The following NUP93 variants were observed in gnomAD, a reference collection of about 807,000 sequenced individuals.
NUP93 encodes the protein nucleoporin 93.
NUP93 carries 55 observed loss-of-function variants against 107.8 expected under a neutral mutation model. The ratio of observed to expected loss-of-function variants is 0.51; its 90% CI spans 0.41 to 0.64. The LOEUF is 0.64. Among genes scored for constraint, NUP93 ranks in the 30% least tolerant of loss-of-function variants. The pLI is 0.00. For missense variants in NUP93, 937 were observed against 1,044.7 expected, an observed-to-expected ratio of 0.90 and a Z score of 1.42; for synonymous variants, 390 against 397.5, an observed-to-expected ratio of 0.98 and a Z score of 0.22.
chr16:56,824,551 G>GCC (rs1303097042), intron 8 of NUP93, among the ~76,000 whole-genome samples: 1 of 152,182 alleles, frequency 6.6e-6, no homozygotes, highest in Non-Finnish European at 1.5e-5. Flanking sequence ...AGGGTGCTGG[G>GCC]CCCCTCCCTG....
intron 5 of NUP93, among the ~76,000 whole-genome samples, chr16:56,815,869 C>CTGT: frequency 7.2e-6 from 1 of 139,608 alleles, no homozygotes; most frequent in African/African-American, 3.0e-5. Flanking sequence ...ACTGCTACTG[C>CTGT]TGCTGCTGCT....
Position 56,834,427 on chromosome 16 carries a change from G to A in NUP93, c.1722G>A (p.Val574=), listed in dbSNP as rs1963868801. 1 of 1,614,252 alleles carries A rather than the reference G, an allele frequency of 6.2e-7. No homozygotes were observed. The highest frequency in any genetic ancestry group is 8.5e-7 in the Non-Finnish European group (1 of 1,180,032). The change falls in exon 15 of 22, where the codon GTG becomes GTA. Residue 574 remains valine, a synonymous_variant. Transcript: ENST00000308159. ...TTCTGCGCTGTGTGAGTGAGCTTGTGATTGAAAGCCGAGAGGTGAGTGGGT... is the reference window on the plus strand; with the variant it reads ...TTCTGCGCTGTGTGAGTGAGCTTGTAATTGAAAGCCGAGAGGTGAGTGGGT... ...NMFLRCVSEL[V]IESREFDMIL...
intron 2 of NUP93, among the ~76,000 whole-genome samples, chr16:56,752,708 A>C (rs1961945935): frequency 6.6e-6 from 1 of 152,232 alleles, no homozygotes. Flanking sequence ...CAATCTTTAA[A>C]AAGCAGAAGA....
intron 5 of NUP93, among the ~76,000 whole-genome samples, chr16:56,807,964 A>G (rs2144578564): frequency 6.6e-6 from 1 of 150,486 alleles, no homozygotes; most frequent in South Asian, 2.1e-4. Flanking sequence ...CGGAGGTCGC[A>G]GTGAGCTGAG....
intron 3 of NUP93, among the ~76,000 whole-genome samples, chr16:56,760,812 G>A (rs951880344): frequency 1.3e-5 from 2 of 152,118 alleles, no homozygotes; most frequent in Admixed American, 6.5e-5. Flanking sequence ...TCGGGGCATG[G>A]TGGCGCACTC....
intron 2 of NUP93, among the ~76,000 whole-genome samples, chr16:56,753,636 G>C (rs1471019574): frequency 6.6e-6 from 1 of 151,912 alleles, no homozygotes; most frequent in East Asian, 1.9e-4. Context: ...CTGTACTTTT[G>C]TCATCACATG....
Position 56,761,461 on chromosome 16 carries a change from CT to C in NUP93, c.297+2815del, listed in dbSNP as rs1179489387. Among the ~76,000 whole-genome samples, 10 of 151,290 alleles carry C rather than the reference CT, an allele frequency of 6.6e-5. No homozygotes were observed. In the East Asian group the frequency reaches 1.2e-3, roughly 18 times the overall value. On this transcript the variant is annotated intron_variant, in intron 3 of 21. Coordinates refer to ENST00000308159, the MANE Select transcript of NUP93 (RefSeq NM_014669.5). The stretch of plus-strand genomic sequence containing the variant: ...AAAGCCAGATATACTATTCGATGGA[CT>C]TTTTTTTTCATTTATTTTAATTGCT...
At chr16:56,816,908 C>T (rs907366747) in intron 5 of NUP93, among the ~76,000 whole-genome samples, 1 of 152,106 alleles carries the variant, frequency 6.6e-6, no homozygotes, top group Admixed American at 6.5e-5. Flanking sequence ...AAACATTTAC[C>T]AGCACACTAT....
chr16:56,757,042 G>A (rs1374304881), intron 2 of NUP93, among the ~76,000 whole-genome samples: 5 of 152,148 alleles, frequency 3.3e-5, no homozygotes, highest in South Asian at 2.1e-4. Flanking sequence ...CCCGGGGATG[G>A]CATCATAGTT....
At chr16:56,809,937 G>A (rs554879153) in intron 5 of NUP93, among the ~76,000 whole-genome samples, 1 of 152,124 alleles carries the variant, frequency 6.6e-6, no homozygotes, top group Non-Finnish European at 1.5e-5. Flanking sequence ...AATTCTTTGT[G>A]AATCTGAGCA....
At chr16:56,842,801 C>A (rs1964052590) in intron 21 of NUP93, 2 of 331,590 alleles carry the variant, frequency 6.0e-6, no homozygotes, top group Non-Finnish European at 1.2e-5. Flanking sequence ...GATCCCCCAA[C>A]CTCGGCCTCC....
intron 1 of NUP93, among the ~76,000 whole-genome samples, chr16:56,733,107 G>A (rs2144425946): frequency 6.6e-6 from 1 of 152,298 alleles, no homozygotes; most frequent in South Asian, 2.1e-4. Flanking sequence ...ATGTACAGGA[G>A]TATGAAGGGA....
At chr16:56,784,484 G>A (rs1962583582) in intron 3 of NUP93, among the ~76,000 whole-genome samples, 2 of 152,172 alleles carry the variant, frequency 1.3e-5, no homozygotes, top group Admixed American at 6.5e-5. Flanking sequence ...AGCTGCTTGT[G>A]TAAAACTCCT....
At chr16:56,735,938 G>A (rs1467783246) in intron 1 of NUP93, among the ~76,000 whole-genome samples, 5 of 152,150 alleles carry the variant, frequency 3.3e-5, no homozygotes, top group Non-Finnish European at 5.9e-5. Context: ...GAAGGACTTA[G>A]ACTTAAAGGA....
chr16:56,742,972 A>T (rs1394445148), intron 1 of NUP93, among the ~76,000 whole-genome samples: 1 of 152,236 alleles, frequency 6.6e-6, no homozygotes, highest in Non-Finnish European at 1.5e-5. Context: ...ATTTTAATAT[A>T]ATAAGCATGA....
chr16:56,788,664 CT>C (rs1392789896), intron 3 of NUP93, among the ~76,000 whole-genome samples: 1 of 152,246 alleles, frequency 6.6e-6, no homozygotes, highest in Non-Finnish European at 1.5e-5. Flanking sequence ...GCAGAACTGG[CT>C]TTGCAGTAGT....
At chr16:56,782,206 G>A (rs1239708809) in intron 3 of NUP93, 20 of 985,208 alleles carry the variant, frequency 2.0e-5, no homozygotes, top group African/African-American at 3.5e-5. Context: ...TTAAATTTAA[G>A]AGCTGCAGGT....
chr16:56,739,004 A>G (rs1446049176), intron 1 of NUP93, among the ~76,000 whole-genome samples: 1 of 146,744 alleles, frequency 6.8e-6, no homozygotes, highest in Admixed American at 6.9e-5. Flanking sequence ...ACAACACAGC[A>G]CATGTTTCAG....
chr16:56,804,901 G>C lies in NUP93; in HGVS notation c.361-603G>C, dbSNP rs1963101332. ...AGCCTGGGCGACAGAGTGAAACTCTGTCTCAAAAAAAAAAAAAAAAGTTTA... is the reference window on the plus strand; with the variant it reads ...AGCCTGGGCGACAGAGTGAAACTCTCTCTCAAAAAAAAAAAAAAAAGTTTA... On this transcript the variant is annotated intron_variant, in intron 4 of 21. Coordinates refer to ENST00000308159, the MANE Select transcript of NUP93 (RefSeq NM_014669.5). Among the ~76,000 whole-genome samples the C allele has an allele frequency of 2.1e-5, 3 of 141,326 alleles. No individual in the cohort carries two copies. The South Asian group carries it at 6.6e-4, about 31-fold the overall frequency. The allele number at this position is 141,326 out of a possible 152,430, so 92.7% of individuals were successfully genotyped here.
Sources: gnomAD v4.1 joint callset for allele counts (sites outside exome capture counted in the v4.1 genomes callset) on GRCh38, gnomAD v4.1.1 for gene constraint, MANE v1.5 for transcripts, NCBI Gene and HGNC (gene_info 2026-07-23, HGNC 2026-07-21) for gene names.